The following MYO9A variants were observed in gnomAD, a reference collection of about 807,000 sequenced individuals.
MYO9A encodes unconventional myosin-IXa.
In MYO9A, 103 loss-of-function variants were observed where a neutral mutation model predicts 293.3. The ratio of observed to expected loss-of-function variants is 0.35; its 90% CI spans 0.30 to 0.41. MYO9A has a LOEUF of 0.41. Ranked by LOEUF, MYO9A falls within the 10% of genes least tolerant of loss-of-function variation. The probability of loss-of-function intolerance (pLI) is 1.00; values close to 1 mark genes in which losing one functional copy is unlikely to be tolerated. For synonymous variants in MYO9A, 1,001 were observed against 1,035.7 expected (o/e 0.97, Z 0.64); for missense variants, 2,685 against 3,033.0 (o/e 0.89, Z 2.69).
chr15:72,101,467 C>A (rs398041504), intron 1 of MYO9A, among the ~76,000 whole-genome samples: 1 of 46,878 alleles, frequency 2.1e-5, no homozygotes, highest in Non-Finnish European at 4.2e-5. Flanking sequence ...AGGGAGGTGG[C>A]GGGGTCAGCC....
At chr15:71,997,239 C>A (rs2076723094) in intron 9 of MYO9A, among the ~76,000 whole-genome samples, 2 of 152,088 alleles carry the variant, frequency 1.3e-5, no homozygotes, top group African/African-American at 4.8e-5. Flanking sequence ...CTGTTTAGTA[C>A]TGTTCCCCAT....
chr15:72,051,895 C>T (rs1288447826), intron 1 of MYO9A, among the ~76,000 whole-genome samples: 3 of 152,158 alleles, frequency 2.0e-5, no homozygotes, highest in East Asian at 1.9e-4. Flanking sequence ...GGTGAAACCC[C>T]ACCTTCAAGC....
chr15:71,838,809 A>G (rs1297364686), intron 39 of MYO9A, among the ~76,000 whole-genome samples: 1 of 152,232 alleles, frequency 6.6e-6, no homozygotes, highest in Admixed American at 6.5e-5. Context: ...TTAGGCTTAT[A>G]GAGAGCTAAC....
rs2291278 is a variant in MYO9A, at chr15:71,822,710, G to C, written c.*3870C>G. ...TAAATACAAATACTTGGTTCAAAAG[G>C]TGCAACTTTTATATGACCTCAGAGG... On this transcript the variant is annotated 3_prime_UTR_variant, in exon 42 of 42. Transcript: ENST00000356056. 1 of 152,056 alleles carries C rather than the reference G, an allele frequency of 6.6e-6. No individual in the cohort carries two copies. Among genetic ancestry groups the C allele is most frequent in the Non-Finnish European group, 1.5e-5 (1 of 68,022 alleles). The allele number at this position is 152,056 out of a possible 1,614,324, so 9.4% of individuals were successfully genotyped here.
At chr15:71,899,062 G>C (rs780707409) in intron 24 of MYO9A, 30 bp from the exon 25 acceptor site, 1 of 1,501,384 alleles carries the variant, frequency 6.7e-7, no homozygotes, top group Admixed American at 2.1e-5. Context: ...ATGGGTTATA[G>C]AAATATCTTA....
At chr15:71,915,518 A>G (rs1241219464) in intron 19 of MYO9A, among the ~76,000 whole-genome samples, 1 of 152,028 alleles carries the variant, frequency 6.6e-6, no homozygotes, top group Non-Finnish European at 1.5e-5. Context: ...ATTACCTAAA[A>G]TAAAATGACA....
chr15:71,968,242 CAA>C, intron 12 of MYO9A, 117 bp from the exon 13 acceptor site: 11 of 804,362 alleles, frequency 1.4e-5, no homozygotes, highest in Non-Finnish European at 2.0e-5. Context: ...TAGCAGTTTA[CAA>C]AAGTTTTCAC....
chr15:71,910,143 CGTGT>C (rs1225708540), intron 19 of MYO9A, among the ~76,000 whole-genome samples: 2 of 108,002 alleles, frequency 1.9e-5, no homozygotes, highest in African/African-American at 6.7e-5. Context: ...TATATATATA[CGTGT>C]GTGTGTATAT....
chr15:71,965,960 T>A (rs1407790399), intron 13 of MYO9A, among the ~76,000 whole-genome samples: 1 of 151,928 alleles, frequency 6.6e-6, no homozygotes, highest in Non-Finnish European at 1.5e-5. Context: ...CAATGCAACC[T>A]CCTCCTCCCA....
Position 72,061,304 on chromosome 15 carries a change from G to A in MYO9A, c.-71-14670C>T, listed in dbSNP as rs544774404. On this transcript the variant is annotated intron_variant, in intron 1 of 41. Coordinates refer to ENST00000356056, the MANE Select transcript of MYO9A (RefSeq NM_006901.4). ...GAGAGACTCCTTCTGCCTGAGAAAG[G>A]AGAGAGAAGAGCAAAAATGACTTTG... Among the ~76,000 whole-genome samples, 4 of 152,272 alleles carry A rather than the reference G, an allele frequency of 2.6e-5. No homozygotes were observed. The South Asian group carries it at 8.3e-4, about 32-fold the overall frequency.
intron 39 of MYO9A, among the ~76,000 whole-genome samples, chr15:71,841,326 T>C (rs1384042225): frequency 6.6e-6 from 1 of 152,234 alleles, no homozygotes; most frequent in Non-Finnish European, 1.5e-5. Flanking sequence ...CTTCCAGTGT[T>C]CTTCCATTAA....
intron 1 of MYO9A, among the ~76,000 whole-genome samples, chr15:72,113,112 C>T (rs894523699): frequency 5.1e-4 from 77 of 152,230 alleles, no homozygotes; most frequent in African/African-American, 1.8e-3. Context: ...ACTTGTTTTA[C>T]TAAAAAGCAC....
chr15:72,017,951 G>C (rs1376116382), intron 6 of MYO9A, among the ~76,000 whole-genome samples: 2 of 152,092 alleles, frequency 1.3e-5, no homozygotes, highest in Non-Finnish European at 2.9e-5. Context: ...ATTTAGCGGG[G>C]CATGGTGGCT....
At position 72,006,534 on chromosome 15, in the gene MYO9A, T is replaced by C. The variant is rs576664035; in HGVS notation, c.1380+1292A>G. Among the ~76,000 whole-genome samples the C allele has an allele frequency of 3.0e-4, 46 of 152,252 alleles. 1 individual carries two copies. Among genetic ancestry groups the C allele is most frequent in the African/African-American group, 9.1e-4 (38 of 41,534 alleles). On this transcript the variant is annotated intron_variant, in intron 8 of 41. Transcript: ENST00000356056. Reference sequence around the variant, plus strand: ...AAAAGATCAGTGGTTGCCAGCAGTTTAGGGGGAGGGACTGAACAGGTAAAG... The same window carrying C: ...AAAAGATCAGTGGTTGCCAGCAGTTCAGGGGGAGGGACTGAACAGGTAAAG...
intron 1 of MYO9A, among the ~76,000 whole-genome samples, chr15:72,099,431 A>G (rs1000705884): frequency 1.4e-5 from 2 of 145,812 alleles, no homozygotes; most frequent in African/African-American, 5.0e-5. Context: ...CCAAAAAAAA[A>G]AAAAAAAAAA....
chr15:71,901,495 A>T (rs928709265), intron 22 of MYO9A, among the ~76,000 whole-genome samples, 155 bp from the exon 23 acceptor site: 1 of 152,202 alleles, frequency 6.6e-6, no homozygotes, highest in African/African-American at 2.4e-5. Context: ...AGATTTATCC[A>T]AAGTAGTCAT....
intron 15 of MYO9A, among the ~76,000 whole-genome samples, chr15:71,949,040 T>C (rs1186412205): frequency 3.9e-5 from 6 of 152,178 alleles, no homozygotes; most frequent in Admixed American, 3.9e-4. Context: ...GTTAATTATC[T>C]CATTATTCCC....
intron 3 of MYO9A, among the ~76,000 whole-genome samples, chr15:72,028,443 T>C (rs1235776670): frequency 6.7e-6 from 1 of 150,026 alleles, no homozygotes; most frequent in Non-Finnish European, 1.5e-5. Flanking sequence ...AGGTCAGGAG[T>C]TCGAGACCAG....
chr15:72,001,212 A>G (rs1468684947), intron 8 of MYO9A, among the ~76,000 whole-genome samples: 2 of 152,224 alleles, frequency 1.3e-5, no homozygotes, highest in East Asian at 1.9e-4. Flanking sequence ...TAATAAAAAC[A>G]TAACATTCAT....
Sources: gnomAD v4.1 joint callset for allele counts (sites outside exome capture counted in the v4.1 genomes callset) on GRCh38, gnomAD v4.1.1 for gene constraint, MANE v1.5 for transcripts, NCBI Gene and HGNC (gene_info 2026-07-23, HGNC 2026-07-21) for gene names.